Variants in KCNQ1 observed in about 807,000 individuals in gnomAD.
KCNQ1 encodes potassium voltage-gated channel subfamily KQT member 1.
A neutral mutation model predicts 72.4 loss-of-function variants in KCNQ1; 49 were observed. The ratio of observed to expected loss-of-function variants is 0.68; its 90% CI spans 0.54 to 0.86. The LOEUF is 0.86. KCNQ1 is among the 40% of genes least tolerant of loss of function. KCNQ1 has a pLI of 0.00. For synonymous variants in KCNQ1, 450 were observed against 412.6 expected, an observed-to-expected ratio of 1.09 and a Z score of -1.10; for missense variants, 790 against 945.1, an observed-to-expected ratio of 0.84 and a Z score of 2.15.
intron 2 of KCNQ1, among the ~76,000 whole-genome samples, chr11:2,546,517 A>C (rs1000983992): frequency 6.6e-6 from 1 of 152,144 alleles, no homozygotes; most frequent in Non-Finnish European, 1.5e-5. Context: ...TTTTGTATCT[A>C]CTTGTTCTAT....
rs1371222130 is a variant in KCNQ1 at position 2,566,606 on chromosome 11, T to A, written c.478-4022T>A. Among the ~76,000 whole-genome samples, 1 of 152,130 alleles carries A rather than the reference T, an allele frequency of 6.6e-6. No homozygotes were observed. The highest frequency in any genetic ancestry group is 1.5e-5 in the Non-Finnish European group (1 of 68,024). On this transcript the variant is annotated intron_variant, in intron 2 of 15. Transcript: ENST00000155840. This position sits in a 1 kb window ranked among gnomAD's most constrained non-coding sequence, Gnocchi z 6.7. The stretch of plus-strand genomic sequence containing the variant: ...GCCAGGAGGCGGCCTTGCTTTAGTC[T>A]GAAGGAGAGTGACCAGGGTAGGAGG...
rs1337954012 is a variant in KCNQ1, at chr11:2,659,521, C to T, written c.1394-2440C>T. 1 of 398,432 alleles carries T rather than the reference C, an allele frequency of 2.5e-6. No homozygotes were observed. The highest frequency in any genetic ancestry group is 4.4e-6 in the Non-Finnish European group (1 of 226,046). 24.7% of individuals were successfully genotyped at this position (398,432 alleles called of 1,614,324 possible). ...GCATTCACCTGTTGAAGGACATCTT[C>T]ATTGTTTCCAGTATTTGGTAATTAT... On this transcript the variant is annotated intron_variant, in intron 10 of 15. Transcript: ENST00000155840. The surrounding 1 kb of genome is among the most constrained non-coding windows in gnomAD (Gnocchi z 4.3).
intron 10 of KCNQ1, chr11:2,610,040 C>CTGGA (rs1848953529): frequency 2.5e-6 from 1 of 397,732 alleles, no homozygotes; most frequent in Non-Finnish European, 4.4e-6. Flanking sequence ...AGATTTATAT[C>CTGGA]CACAGTTTTA....
chr11:2,668,636 A>G lies in KCNQ1; in HGVS notation c.1514+6555A>G. Reference sequence around the variant, plus strand: ...TCTTCTGCCTGTTTTATGTTTATTTATGGTCCTATATATCTTTAGATATTC... The same window carrying G: ...TCTTCTGCCTGTTTTATGTTTATTTGTGGTCCTATATATCTTTAGATATTC... On this transcript the variant is annotated intron_variant, in intron 11 of 15. Coordinates refer to ENST00000155840, the MANE Select transcript of KCNQ1 (RefSeq NM_000218.3). The surrounding 1 kb of genome is among the most constrained non-coding windows in gnomAD (Gnocchi z 4.3). 1 of 398,562 alleles carries G rather than the reference A, an allele frequency of 2.5e-6. No homozygotes were observed. The highest frequency in any genetic ancestry group is 4.4e-6 in the Non-Finnish European group (1 of 226,070). The allele number at this position is 398,562 out of a possible 1,614,324, so 24.7% of individuals were successfully genotyped here. A position where few individuals can be genotyped will look rare whatever the true frequency, so the allele number is the denominator to read the frequency against.
At chr11:2,699,060 T>G (rs147765220) in intron 11 of KCNQ1, 2 of 398,380 alleles carry the variant, frequency 5.0e-6, no homozygotes, top group Admixed American at 4.4e-5. Context: ...GGGCTTTGAC[T>G]CAAAACCACA....
chr11:2,714,531 GC>G (rs1265345704), intron 11 of KCNQ1, among the ~76,000 whole-genome samples: 1 of 152,058 alleles, frequency 6.6e-6, no homozygotes, highest in Non-Finnish European at 1.5e-5. Context: ...CGCCATAGGT[GC>G]TCTAGATAGA....
rs1391709836 is a variant in KCNQ1, at chr11:2,704,507, T to C, written c.1514+42426T>C. On this transcript the variant is annotated intron_variant, in intron 11 of 15. Coordinates refer to ENST00000155840, the MANE Select transcript of KCNQ1 (RefSeq NM_000218.3). The surrounding 1 kb of genome is among the most constrained non-coding windows in gnomAD (Gnocchi z 4.3). ...GGGTCCTTTTGGGCCTTGTAGGCTG[T>C]CGTCAGAGGGGAGGCACAGTGGGGA... Among the ~76,000 whole-genome samples, 1 of 152,174 alleles carries C rather than the reference T, an allele frequency of 6.6e-6. No individual in the cohort carries two copies. The highest frequency in any genetic ancestry group is 1.5e-5 in the Non-Finnish European group (1 of 68,032).
In KCNQ1 at chr11:2,632,205, A is replaced by C. The variant is rs922378162; in HGVS notation, c.1394-29756A>C. 7 of 388,544 alleles carry C rather than the reference A, an allele frequency of 1.8e-5. No homozygotes were observed. In the South Asian group the frequency reaches 9.4e-4, roughly 52 times the overall value. The allele number at this position is 388,544 out of a possible 1,614,324, so 24.1% of individuals were successfully genotyped here. A position where few individuals can be genotyped will look rare whatever the true frequency, so the allele number is the denominator to read the frequency against. ...CTCAAAAAAAAAAAAAAAAAAAAAG[A>C]AATGCAACTGAATTTTGTGTACTGA... On this transcript the variant is annotated intron_variant, in intron 10 of 15. Transcript: ENST00000155840.
chr11:2,736,921 C>T (rs1012553286), intron 11 of KCNQ1, among the ~76,000 whole-genome samples: 1 of 152,188 alleles, frequency 6.6e-6, no homozygotes, highest in Non-Finnish European at 1.5e-5. Context: ...TCGGGCTACC[C>T]TGAAGTGCCA....
rs1374620216 is a variant in KCNQ1, at chr11:2,668,072, G to C, written c.1514+5991G>C. 1 of 398,478 alleles carries C rather than the reference G, an allele frequency of 2.5e-6. No homozygotes were observed. The highest frequency in any genetic ancestry group is 2.1e-5 in the African/African-American group (1 of 48,602). 24.7% of individuals were successfully genotyped at this position (398,478 alleles called of 1,614,324 possible). On this transcript the variant is annotated intron_variant, in intron 11 of 15. Coordinates refer to ENST00000155840, the MANE Select transcript of KCNQ1 (RefSeq NM_000218.3). The surrounding 1 kb of genome is among the most constrained non-coding windows in gnomAD (Gnocchi z 4.3). The stretch of plus-strand genomic sequence containing the variant: ...TTGAACTTTATGCGGTGGGAATGAT[G>C]CAACTCATACACCTTTGTGTCCAAT...
At position 2,657,826 on chromosome 11, in the gene KCNQ1, C is replaced by T. The variant is rs1849876974; in HGVS notation, c.1394-4135C>T. 2.5e-6 allele frequency: 1 copy of T among 398,386 alleles called. No homozygotes were observed. Among genetic ancestry groups the T allele is most frequent in the Non-Finnish European group, 4.4e-6 (1 of 226,054 alleles). The allele number at this position is 398,386 out of a possible 1,614,324, so 24.7% of individuals were successfully genotyped here. The stretch of plus-strand genomic sequence containing the variant: ...TCATTGTCCCTCAGTTTGGATTTGT[C>T]TGGTGTTTTCTCAGGACTAGACCAG... On this transcript the variant is annotated intron_variant, in intron 10 of 15. Coordinates refer to ENST00000155840, the MANE Select transcript of KCNQ1 (RefSeq NM_000218.3). This position sits in a 1 kb window ranked among gnomAD's most constrained non-coding sequence, Gnocchi z 4.8.
chr11:2,762,058 G>T lies in KCNQ1; in HGVS notation c.1515-6786G>T, dbSNP rs1048742201. Among the ~76,000 whole-genome samples, 1 of 152,208 alleles carries T rather than the reference G, an allele frequency of 6.6e-6. No individual in the cohort carries two copies. Among genetic ancestry groups the T allele is most frequent in the African/African-American group, 2.4e-5 (1 of 41,454 alleles). Reference sequence around the variant, plus strand: ...AGGCCCTAAGTGACAGCCAGTGGTAGACCCTTCACGGTCAGGCACCTATGA... The same window carrying T: ...AGGCCCTAAGTGACAGCCAGTGGTATACCCTTCACGGTCAGGCACCTATGA... On this transcript the variant is annotated intron_variant, in intron 11 of 15. Transcript: ENST00000155840. The surrounding 1 kb of genome is among the most constrained non-coding windows in gnomAD (Gnocchi z 4.3).
Position 2,570,656 on chromosome 11 carries a change from C to T in KCNQ1, c.506C>T (p.Thr169Met), listed in dbSNP as rs199472693. ...MEIVLVVFFG[T>M]EYVVRLWSAG... ...ATCGTGCTGGTGGTGTTCTTCGGGA[C>T]GGAGTACGTGGTCCGCCTCTGGTCC... The change falls in exon 3 of 16, where the codon ACG becomes ATG. Residue 169 changes from threonine (T) to methionine (M), a missense_variant. By Grantham distance (81) the Thr-to-Met change is moderately conservative (BLOSUM62 -1). This residue lies in a region of KCNQ1 where 294 missense variants were observed against 323.3 expected (regional missense o/e 0.91). Coordinates refer to ENST00000155840, the MANE Select transcript of KCNQ1 (RefSeq NM_000218.3). The T allele has an allele frequency of 1.2e-5, 19 of 1,612,600 alleles. No individual in the cohort carries two copies. Among genetic ancestry groups the T allele is most frequent in the Admixed American group, 5.0e-5 (3 of 60,000 alleles).
intron 15 of KCNQ1, among the ~76,000 whole-genome samples, chr11:2,802,070 G>A (rs1486857063): frequency 6.6e-6 from 1 of 152,230 alleles, no homozygotes; most frequent in East Asian, 1.9e-4. Flanking sequence ...GGCGCGGTGG[G>A]CACATTCACC....
At chr11:2,570,491 G>A in intron 2 of KCNQ1, 137 bp from the exon 3 acceptor site, 1 of 1,174,372 alleles carries the variant, frequency 8.5e-7, no homozygotes, top group Admixed American at 2.0e-5. Flanking sequence ...TCCGCAGCAG[G>A]CCAGGACCCG....
chr11:2,655,522 T>C, intron 10 of KCNQ1: 2 of 398,698 alleles, frequency 5.0e-6, no homozygotes, highest in Non-Finnish European at 8.8e-6. Flanking sequence ...AAGTACACCA[T>C]GGGCTCAACC....
Position 2,547,562 on chromosome 11 carries a change from T to A in KCNQ1, c.477+19544T>A, listed in dbSNP as rs915450217. ...ATTTTTGTCCTAATAGTTACCTTTA[T>A]ACATATGCCTTTCAAAGTTTCCTTG... is the stretch of plus-strand genomic sequence containing the variant. On this transcript the variant is annotated intron_variant, in intron 2 of 15. Transcript: ENST00000155840. The surrounding 1 kb of genome is among the most constrained non-coding windows in gnomAD (Gnocchi z 4.2). Among the ~76,000 whole-genome samples the A allele has an allele frequency of 2.6e-5, 4 of 152,232 alleles. No individual in the cohort carries two copies. Among genetic ancestry groups the A allele is most frequent in the Non-Finnish European group, 5.9e-5 (4 of 68,046 alleles).
chr11:2,502,980 A>G (rs765648105), intron 1 of KCNQ1, among the ~76,000 whole-genome samples: 39 of 152,258 alleles, frequency 2.6e-4, no homozygotes, highest in Non-Finnish European at 5.0e-4. Context: ...CTGGATGTCC[A>G]TATGCAGAAG....
chr11:2,779,253 A>C (rs2133994106), intron 15 of KCNQ1, among the ~76,000 whole-genome samples: 2 of 152,282 alleles, frequency 1.3e-5, no homozygotes, highest in Non-Finnish European at 2.9e-5. Flanking sequence ...AGAGGCCCAG[A>C]AGCCTTGGCC....
Sources: gnomAD v4.1 joint callset for allele counts (sites outside exome capture counted in the v4.1 genomes callset) on GRCh38, gnomAD v4.1.1 for gene constraint, gnomAD v4.1.1 regional missense constraint, Gnocchi (gnomAD v3.1) non-coding constraint, MANE v1.5 for transcripts, NCBI Gene and HGNC (gene_info 2026-07-23, HGNC 2026-07-21) for gene names.